Variants in TBXAS1 observed in about 807,000 individuals in gnomAD.
The protein encoded by TBXAS1 is thromboxane A synthase 1, also known as thromboxane-A synthase.
A neutral mutation model predicts 60.7 loss-of-function variants in TBXAS1; 48 were observed. The observed-to-expected ratio is 0.79, with a 90% CI of 0.63 to 1.01. TBXAS1 has a LOEUF of 1.01. Among genes scored for constraint, TBXAS1 ranks in the 50% least tolerant of loss-of-function variants. TBXAS1 has a pLI of 0.00. For missense variants in TBXAS1, 685 were observed against 686.3 expected (o/e 1.00, Z 0.02); for synonymous variants, 287 against 269.7 (o/e 1.06, Z -0.63).
chr7:139,938,505 CTG>C (rs1315969541), intron 5 of TBXAS1, among the ~76,000 whole-genome samples: 3 of 152,190 alleles, frequency 2.0e-5, no homozygotes, highest in Non-Finnish European at 4.4e-5. Context: ...ACATTGATCT[CTG>C]TTATCTATTG....
chr7:139,962,483 A>C, intron 9 of TBXAS1: 1 of 445,258 alleles, frequency 2.2e-6, no homozygotes, highest in Non-Finnish European at 4.1e-6. Context: ...CCATGAAGCC[A>C]GGCCTGGCTC....
intron 4 of TBXAS1, among the ~76,000 whole-genome samples, chr7:139,920,907 A>C (rs1806417191): frequency 6.6e-6 from 1 of 152,174 alleles, no homozygotes; most frequent in African/African-American, 2.4e-5. Flanking sequence ...TGCTCAATGA[A>C]GGTTCCCAGA....
intron 3 of TBXAS1, among the ~76,000 whole-genome samples, chr7:139,890,868 A>G (rs528472591): frequency 6.6e-6 from 1 of 152,086 alleles, no homozygotes; most frequent in African/African-American, 2.4e-5. Flanking sequence ...CCCATCCCCA[A>G]TAGTCAACCA....
chr7:139,845,044 C>T (rs1333579749), intron 1 of TBXAS1, among the ~76,000 whole-genome samples: 1 of 152,154 alleles, frequency 6.6e-6, no homozygotes, highest in Non-Finnish European at 1.5e-5. Context: ...CTAATGTTAA[C>T]CCTCCACAGT....
chr7:139,901,668 C>A (rs1479860698), intron 3 of TBXAS1, among the ~76,000 whole-genome samples: 4 of 151,986 alleles, frequency 2.6e-5, no homozygotes, highest in Non-Finnish European at 4.4e-5. Context: ...TGGGTCCCAC[C>A]CCAGAGACTC....
chr7:139,993,565 CT>C (rs1813075367), intron 9 of TBXAS1, among the ~76,000 whole-genome samples: 1 of 152,174 alleles, frequency 6.6e-6, no homozygotes, highest in Admixed American at 6.5e-5. Flanking sequence ...CCTTGTCTTT[CT>C]TGAGATTCTC....
chr7:139,876,593 C>T (rs1166574909), intron 3 of TBXAS1, among the ~76,000 whole-genome samples: 1 of 152,128 alleles, frequency 6.6e-6, no homozygotes, highest in African/African-American at 2.4e-5. Flanking sequence ...TGTCTGTTCT[C>T]CTGATACCCA....
intron 8 of TBXAS1, among the ~76,000 whole-genome samples, chr7:139,958,258 A>G (rs1810035038): frequency 6.6e-6 from 1 of 152,026 alleles, no homozygotes; most frequent in African/African-American, 2.4e-5. Context: ...TCGCTACAGA[A>G]CTCGTGGTTG....
intron 4 of TBXAS1, among the ~76,000 whole-genome samples, chr7:139,816,478 C>T (rs1798151386): frequency 6.6e-6 from 1 of 151,772 alleles, no homozygotes; most frequent in African/African-American, 2.4e-5. Flanking sequence ...GATTCTTATT[C>T]AGTTGGTCTG....
chr7:139,812,082 G>A (rs1461338579), intron 4 of TBXAS1, among the ~76,000 whole-genome samples: 1 of 152,232 alleles, frequency 6.6e-6, no homozygotes, highest in Non-Finnish European at 1.5e-5. Flanking sequence ...ACAGGTGGTA[G>A]TTCAGTATCT....
chr7:139,897,798 G>A (rs1409536299), intron 3 of TBXAS1, among the ~76,000 whole-genome samples: 1 of 152,182 alleles, frequency 6.6e-6, no homozygotes, highest in African/African-American at 2.4e-5. Context: ...GATGTTGCCT[G>A]ACCCTGCTCA....
In TBXAS1 at chr7:139,966,218, T is replaced by C. The variant is rs75648845; in HGVS notation, c.1134+3985T>C. Among the ~76,000 whole-genome samples, 190 of 152,344 alleles carry C rather than the reference T, an allele frequency of 1.2e-3. 1 individual carries two copies. The East Asian group carries it at 0.034, about 27-fold the overall frequency. ...CAATGAGATTGCTTAATTTGAGCTC[T>C]AGAGTTTCTTTTCCCTGAGCAATTT... On this transcript the variant is annotated intron_variant, in intron 9 of 12. Coordinates refer to ENST00000448866, the MANE Select transcript of TBXAS1 (RefSeq NM_001061.7).
At chr7:139,991,497 G>A (rs1203559156) in intron 9 of TBXAS1, among the ~76,000 whole-genome samples, 1 of 152,218 alleles carries the variant, frequency 6.6e-6, no homozygotes, top group South Asian at 2.1e-4. Context: ...CCAATGGAAT[G>A]ACTGTCAAGG....
chr7:139,978,775 C>CAAAAAAAA (rs35583867), intron 9 of TBXAS1, among the ~76,000 whole-genome samples: 15 of 90,972 alleles, frequency 1.6e-4, no homozygotes, highest in Non-Finnish European at 2.1e-4. Flanking sequence ...CCTGCCTCTA[C>CAAAAAAAA]AAAAAAAAAA....
At chr7:139,907,491 G>C (rs1204377269) in intron 3 of TBXAS1, among the ~76,000 whole-genome samples, 1 of 152,036 alleles carries the variant, frequency 6.6e-6, no homozygotes, top group Non-Finnish European at 1.5e-5. Context: ...AGTATCTTTG[G>C]CTGGTTTTGG....
At chr7:139,835,216 G>A (rs1474346380) in intron 1 of TBXAS1, among the ~76,000 whole-genome samples, 5 of 151,982 alleles carry the variant, frequency 3.3e-5, no homozygotes, top group South Asian at 4.2e-4. Context: ...ACAGGTGCCC[G>A]CCACCACGCT....
At chr7:139,862,813 A>G (rs1801065269) in intron 1 of TBXAS1, among the ~76,000 whole-genome samples, 1 of 152,038 alleles carries the variant, frequency 6.6e-6, no homozygotes. Context: ...GTTCATTAGT[A>G]TATGTTATTA....
At chr7:139,965,728 G>A (rs1287424227) in intron 9 of TBXAS1, among the ~76,000 whole-genome samples, 1 of 152,138 alleles carries the variant, frequency 6.6e-6, no homozygotes, top group African/African-American at 2.4e-5. Flanking sequence ...GTGGGGGGGA[G>A]TCTCTGAAAA....
At chr7:139,915,608 G>T (rs76859346) in intron 4 of TBXAS1, among the ~76,000 whole-genome samples, 90 of 152,264 alleles carry the variant, frequency 5.9e-4, no homozygotes, top group African/African-American at 2.1e-3. Context: ...GGTGGAGAAG[G>T]GCCCTGATTT....
Sources: allele counts gnomAD v4.1 joint callset (sites outside exome capture counted in the v4.1 genomes callset), GRCh38; gene constraint gnomAD v4.1.1; transcripts MANE v1.5; gene names NCBI Gene and HGNC (gene_info 2026-07-23, HGNC 2026-07-21).